The following PDZRN4 variants were observed in gnomAD, a reference collection of about 807,000 sequenced individuals.
PDZRN4 encodes the protein PDZ domain containing ring finger 4.
In PDZRN4, 70 loss-of-function variants were observed where a neutral mutation model predicts 99.0. The ratio of observed to expected loss-of-function variants is 0.71; its 90% CI spans 0.58 to 0.86. The LOEUF (loss-of-function observed/expected upper bound fraction) is 0.86. PDZRN4 is among the 40% of genes least tolerant of loss of function. The pLI is 0.00. For missense variants in PDZRN4, 1,474 were observed against 1,331.2 expected (o/e 1.11, Z -1.67); for synonymous variants, 551 against 501.6 (o/e 1.10, Z -1.32).
At chr12:41,378,522 T>TTTTTTTTTTTA (rs1403513526) in intron 3 of PDZRN4, among the ~76,000 whole-genome samples, 1 of 121,244 alleles carries the variant, frequency 8.2e-6, no homozygotes, top group Non-Finnish European at 1.7e-5. Context: ...TGTCTTCAAT[T>TTTTTTTTTTTA]TTTTTTTTTT....
At chr12:41,559,503 C>T (rs1336159692) in intron 7 of PDZRN4, among the ~76,000 whole-genome samples, 1 of 152,060 alleles carries the variant, frequency 6.6e-6, no homozygotes, top group Non-Finnish European at 1.5e-5. Context: ...AAGGAGTTTC[C>T]AAGGAGAGAA....
chr12:41,333,233 A>T (rs1352211208), intron 3 of PDZRN4, among the ~76,000 whole-genome samples: 1 of 152,134 alleles, frequency 6.6e-6, no homozygotes, highest in Admixed American at 6.5e-5. Context: ...GAGACAGGTC[A>T]TCGTGGGTCT....
At chr12:41,276,240 A>G (rs1044134033) in intron 3 of PDZRN4, among the ~76,000 whole-genome samples, 1 of 152,146 alleles carries the variant, frequency 6.6e-6, no homozygotes, top group African/African-American at 2.4e-5. Context: ...AAAATTTCAT[A>G]TGGAAGGTGG....
At position 41,366,365 on chromosome 12, in the gene PDZRN4, T is replaced by C. The variant is rs557586193; in HGVS notation, c.844-140091T>C. ...CTATTGACAGAACAATTTATCTTGATAAAGGACAGTGAAAAACTCCAATCT... is the reference window on the plus strand; with the variant it reads ...CTATTGACAGAACAATTTATCTTGACAAAGGACAGTGAAAAACTCCAATCT... On this transcript the variant is annotated intron_variant, in intron 3 of 9. Transcript: ENST00000402685. Among the ~76,000 whole-genome samples, 12 of 152,250 alleles carry C rather than the reference T, an allele frequency of 7.9e-5. No homozygotes were observed. In the South Asian group the frequency reaches 8.3e-4, roughly 11 times the overall value.
intron 3 of PDZRN4, among the ~76,000 whole-genome samples, chr12:41,255,331 G>A (rs371620039): frequency 3.3e-5 from 5 of 152,166 alleles, no homozygotes; most frequent in African/African-American, 1.2e-4. Context: ...TATAGAGTTC[G>A]ATAATTAAGC....
intron 5 of PDZRN4, 111 bp from the exon 6 acceptor site, chr12:41,552,545 C>T: frequency 1.5e-6 from 1 of 679,482 alleles, no homozygotes; most frequent in South Asian, 2.4e-5. Flanking sequence ...CAATGTTGGG[C>T]AATAATTATT....
chr12:41,315,380 G>A (rs1469401851), intron 3 of PDZRN4, among the ~76,000 whole-genome samples: 1 of 151,834 alleles, frequency 6.6e-6, no homozygotes, highest in South Asian at 2.1e-4. Flanking sequence ...ATATTATAAA[G>A]CTTTGATCCA....
chr12:41,325,539 A>C (rs571819515), intron 3 of PDZRN4, among the ~76,000 whole-genome samples: 9 of 152,292 alleles, frequency 5.9e-5, no homozygotes, highest in Admixed American at 5.9e-4. Flanking sequence ...GAAACTCAAC[A>C]AACTCAAGTC....
chr12:41,189,156 G>A (rs961949057), intron 1 of PDZRN4, 53 bp downstream of exon 1: 33 of 1,523,352 alleles, frequency 2.2e-5, no homozygotes, highest in African/African-American at 5.5e-5. Flanking sequence ...GTGGGAAAAG[G>A]AGCGGTTCTT....
chr12:41,266,583 C>G (rs1951278764), intron 3 of PDZRN4, among the ~76,000 whole-genome samples: 1 of 152,146 alleles, frequency 6.6e-6, no homozygotes, highest in Non-Finnish European at 1.5e-5. Flanking sequence ...TTTAAGAAAT[C>G]TAAGAAATTA....
At chr12:41,332,052 G>A (rs773165027) in intron 3 of PDZRN4, among the ~76,000 whole-genome samples, 8 of 152,106 alleles carry the variant, frequency 5.3e-5, no homozygotes, top group Non-Finnish European at 1.2e-4. Flanking sequence ...CAGATATCAG[G>A]AAGTGAGCTT....
chr12:41,547,676 A>G (rs1383632691), intron 5 of PDZRN4, among the ~76,000 whole-genome samples: 1 of 152,136 alleles, frequency 6.6e-6, no homozygotes. Context: ...ATCACTTCTC[A>G]CTTACTTCAA....
chr12:41,410,865 G>C (rs373290729), intron 3 of PDZRN4, among the ~76,000 whole-genome samples: 1 of 151,970 alleles, frequency 6.6e-6, no homozygotes, highest in Non-Finnish European at 1.5e-5. Flanking sequence ...CAAGTGAAGC[G>C]TAGGTTTTGG....
At chr12:41,378,408 A>C (rs1952097196) in intron 3 of PDZRN4, among the ~76,000 whole-genome samples, 1 of 152,008 alleles carries the variant, frequency 6.6e-6, no homozygotes, top group Non-Finnish European at 1.5e-5. Flanking sequence ...GCATCTGTTC[A>C]TCAGAGATAT....
chr12:41,275,881 A>C (rs1363149250), intron 3 of PDZRN4, among the ~76,000 whole-genome samples: 2 of 152,194 alleles, frequency 1.3e-5, no homozygotes, highest in Non-Finnish European at 2.9e-5. Context: ...GAAAATGTAC[A>C]GGCTGGATGT....
Position 41,188,496 on chromosome 12 carries a change from C to G in PDZRN4, c.41C>G (p.Pro14Arg). ...ALERFAEAVD[P>R]ALECKLCGQV... ...GAGCGCTTCGCAGAAGCCGTGGACCCGGCTCTGGAGTGCAAACTGTGCGGC... is the reference window on the plus strand; with the variant it reads ...GAGCGCTTCGCAGAAGCCGTGGACCGGGCTCTGGAGTGCAAACTGTGCGGC... The change falls in exon 1 of 10, where the codon CCG (proline) becomes CGG (arginine). Residue 14 changes from proline to arginine, a missense_variant. Pro to Arg is a moderately radical substitution (Grantham distance 103, BLOSUM62 -2). Transcript: ENST00000402685. 6.3e-7 allele frequency: 1 copy of G among 1,590,722 alleles called. No homozygotes were observed. The highest frequency in any genetic ancestry group is 1.1e-5 in the South Asian group (1 of 89,602).
Position 41,560,360 on chromosome 12 carries a change from C to A in PDZRN4, c.1366-3188C>A, listed in dbSNP as rs544006245. 1.1e-4 allele frequency among the ~76,000 whole-genome samples: 17 copies of A among 152,268 alleles called. No individual in the cohort carries two copies. The East Asian group carries it at 3.3e-3, about 29-fold the overall frequency. The stretch of plus-strand genomic sequence containing the variant: ...CTAAGCTTTTAGGGCTTTACACACA[C>A]ACATACAAAACACACTCATACACAC... On this transcript the variant is annotated intron_variant, in intron 7 of 9. Transcript: ENST00000402685.
intron 3 of PDZRN4, among the ~76,000 whole-genome samples, chr12:41,238,792 A>G (rs548843936): frequency 4.6e-5 from 7 of 152,174 alleles, no homozygotes; most frequent in Non-Finnish European, 8.8e-5. Context: ...GCTATTATTA[A>G]AAAATAAAAT....
chr12:41,564,400 C>T (rs956305938), intron 8 of PDZRN4, among the ~76,000 whole-genome samples: 2 of 152,104 alleles, frequency 1.3e-5, no homozygotes, highest in African/African-American at 4.8e-5. Flanking sequence ...TTTTTATCTC[C>T]CATCACAAGG....
Sources: gnomAD v4.1 joint callset for allele counts (sites outside exome capture counted in the v4.1 genomes callset) on GRCh38, gnomAD v4.1.1 for gene constraint, MANE v1.5 for transcripts, NCBI Gene and HGNC (gene_info 2026-07-23, HGNC 2026-07-21) for gene names.